The following EXOC4 variants were observed in gnomAD, a reference collection of about 807,000 sequenced individuals.
EXOC4 encodes the protein exocyst complex component 4, also known as SEC8-like 1.
EXOC4 carries 71 observed loss-of-function variants against 107.2 expected under a neutral mutation model. The ratio of observed to expected loss-of-function variants is 0.66; its 90% CI spans 0.55 to 0.81. The LOEUF (loss-of-function observed/expected upper bound fraction) is 0.81. EXOC4 is among the 30% of genes least tolerant of loss of function. The pLI is 0.00. For missense variants in EXOC4, 1,108 were observed against 1,189.6 expected (o/e 0.93, Z 1.01); for synonymous variants, 456 against 441.2 (o/e 1.03, Z -0.42).
At chr7:133,795,284 T>C (rs1480996231) in intron 10 of EXOC4, among the ~76,000 whole-genome samples, 3 of 152,308 alleles carry the variant, frequency 2.0e-5, no homozygotes, top group Admixed American at 1.3e-4. Flanking sequence ...AGCACACTAA[T>C]GTCTCCTTGC....
At chr7:133,972,030 T>C (rs542393940) in intron 14 of EXOC4, among the ~76,000 whole-genome samples, 3 of 130,030 alleles carry the variant, frequency 2.3e-5, no homozygotes, top group Non-Finnish European at 4.8e-5. Context: ...GACTTTCTGA[T>C]ACATCCCAAG....
At chr7:133,699,439 C>T (rs112718897) in intron 10 of EXOC4, among the ~76,000 whole-genome samples, 48 of 152,160 alleles carry the variant, frequency 3.2e-4, no homozygotes, top group Non-Finnish European at 6.0e-4. Flanking sequence ...GGATCATAGG[C>T]GCTTCCAGAG....
chr7:133,683,511 G>T (rs1171034533), intron 10 of EXOC4, among the ~76,000 whole-genome samples: 2 of 152,002 alleles, frequency 1.3e-5, no homozygotes, highest in Non-Finnish European at 2.9e-5. Context: ...ACTAATATCT[G>T]TATCTTTTGA....
chr7:134,074,208 T>C, the EXOC4 span, among the ~76,000 whole-genome samples: 1 of 152,326 alleles, frequency 6.6e-6, no homozygotes, highest in South Asian at 2.1e-4. Flanking sequence ...CTTTCCTTTC[T>C]GCCACTGGGA....
chr7:133,720,546 C>G (rs1367426316), intron 10 of EXOC4, among the ~76,000 whole-genome samples: 1 of 151,646 alleles, frequency 6.6e-6, no homozygotes, highest in Non-Finnish European at 1.5e-5. Flanking sequence ...TAAAATAGTC[C>G]CTTTTGGAAT....
In EXOC4 at chr7:133,884,620, T is replaced by TGTGC. The variant is rs942323507; in HGVS notation, c.1735-10978_1735-10977insTGCG. On this transcript the variant is annotated intron_variant, in intron 11 of 17. Transcript: ENST00000253861. Reference sequence around the variant, plus strand: ...GTGTGTGTGTGTGTGTGTGTGTGTGTGCGCGCGTGTGTGATGGTGCTGGAG... The same window carrying TGTGC: ...GTGTGTGTGTGTGTGTGTGTGTGTGTGTGCGCGCGCGTGTGTGATGGTGCTGGAG... 3.1e-3 allele frequency among the ~76,000 whole-genome samples: 438 copies of TGTGC among 142,386 alleles called. 3 individuals carry two copies. The highest frequency in any genetic ancestry group is 9.9e-3 in the African/African-American group (389 of 39,288). 93.4% of individuals were successfully genotyped at this position (142,386 alleles called of 152,430 possible).
chr7:133,322,377 C>G (rs1328338017), intron 5 of EXOC4, among the ~76,000 whole-genome samples: 1 of 152,092 alleles, frequency 6.6e-6, no homozygotes, highest in East Asian at 1.9e-4. Flanking sequence ...TTTAATACAC[C>G]TTGAGTTAAT....
intron 11 of EXOC4, among the ~76,000 whole-genome samples, chr7:133,828,803 T>A (rs1797752147): frequency 6.6e-6 from 1 of 152,226 alleles, no homozygotes; most frequent in South Asian, 2.1e-4. Flanking sequence ...TGCTTTGTGC[T>A]ATTGCTAGAC....
chr7:133,692,353 C>G lies in EXOC4; in HGVS notation c.1514+62212C>G, dbSNP rs891754296. On this transcript the variant is annotated intron_variant, in intron 10 of 17. Coordinates refer to ENST00000253861, the MANE Select transcript of EXOC4 (RefSeq NM_021807.4). ...CTTTTCTCTACCAATCTAGGAATTA[C>G]TCATTGTGTGCTTTTCTTTTTACAG... Among the ~76,000 whole-genome samples, 14 of 152,154 alleles carry G rather than the reference C, an allele frequency of 9.2e-5. 1 individual carries two copies. Among genetic ancestry groups the G allele is most frequent in the African/African-American group, 3.4e-4 (14 of 41,440 alleles).
chr7:133,356,903 G>A (rs1041412949), intron 6 of EXOC4, among the ~76,000 whole-genome samples: 1 of 152,138 alleles, frequency 6.6e-6, no homozygotes, highest in Admixed American at 6.5e-5. Context: ...CTGCTTGAAC[G>A]CAGGAGGCGG....
intron 10 of EXOC4, chr7:133,727,836 G>A (rs538450991): frequency 3.3e-5 from 5 of 152,190 alleles, no homozygotes; most frequent in South Asian, 4.1e-4. Context: ...ATTTTTATTC[G>A]TTTTTATATT....
intron 9 of EXOC4, among the ~76,000 whole-genome samples, chr7:133,604,870 T>C (rs1801902102): frequency 6.6e-6 from 1 of 151,634 alleles, no homozygotes; most frequent in South Asian, 2.1e-4. Flanking sequence ...ATTGCAAGCA[T>C]GTGCCACCAC....
At chr7:133,751,997 A>ATAAATAAATAAATAAT (rs1213418060) in intron 10 of EXOC4, among the ~76,000 whole-genome samples, 155 of 151,516 alleles carry the variant, frequency 1.0e-3, no homozygotes, top group Admixed American at 1.2e-3. Flanking sequence ...AAATAAATAA[A>ATAAATAAATAAATAAT]TAAATAAATA....
chr7:133,255,436 A>T (rs997417796), intron 1 of EXOC4, among the ~76,000 whole-genome samples: 2 of 152,070 alleles, frequency 1.3e-5, no homozygotes, highest in African/African-American at 4.8e-5. Flanking sequence ...TGGCCTCCCA[A>T]AATGCTGGGA....
chr7:133,666,931 C>T (rs1793830344), intron 10 of EXOC4, among the ~76,000 whole-genome samples: 1 of 152,122 alleles, frequency 6.6e-6, no homozygotes, highest in Non-Finnish European at 1.5e-5. Context: ...CAGATTCTTA[C>T]ATGCATATAT....
chr7:133,753,616 C>G (rs1187937339), intron 10 of EXOC4, among the ~76,000 whole-genome samples: 1 of 152,194 alleles, frequency 6.6e-6, no homozygotes, highest in Non-Finnish European at 1.5e-5. Context: ...TAAAGGCTGA[C>G]AAGAATTTCT....
intron 9 of EXOC4, among the ~76,000 whole-genome samples, chr7:133,510,697 T>C (rs1331090827): frequency 1.3e-5 from 2 of 152,198 alleles, no homozygotes; most frequent in African/African-American, 4.8e-5. Context: ...ACTGTTATAG[T>C]GATTTTCAGT....
At chr7:133,983,306 C>T (rs1457352545) in intron 14 of EXOC4, among the ~76,000 whole-genome samples, 1 of 152,150 alleles carries the variant, frequency 6.6e-6, no homozygotes, top group African/African-American at 2.4e-5. Context: ...GAGAGGACAC[C>T]TTTCCAAACT....
At chr7:133,493,651 C>T (rs890102841) in intron 9 of EXOC4, among the ~76,000 whole-genome samples, 2 of 151,958 alleles carry the variant, frequency 1.3e-5, no homozygotes, top group Non-Finnish European at 2.9e-5. Flanking sequence ...AGAAACTCCT[C>T]CCCCCACCCC....
Sources: gnomAD v4.1 joint callset for allele counts (sites outside exome capture counted in the v4.1 genomes callset) on GRCh38, gnomAD v4.1.1 for gene constraint, MANE v1.5 for transcripts, NCBI Gene and HGNC (gene_info 2026-07-23, HGNC 2026-07-21) for gene names.